Variants in LMTK2 observed in about 807,000 individuals in gnomAD.
LMTK2 encodes the protein serine/threonine-protein kinase LMTK2.
In LMTK2, 37 loss-of-function variants were observed where a neutral mutation model predicts 127.5. That is an observed-to-expected ratio of 0.29 (90% CI 0.22 to 0.38). The LOEUF (loss-of-function observed/expected upper bound fraction) is 0.38, where lower values mean the gene tolerates loss of function less well. Among genes scored for constraint, LMTK2 ranks in the 10% least tolerant of loss-of-function variants. LMTK2 has a pLI of 1.00. For missense variants in LMTK2, 1,694 were observed against 1,920.3 expected (o/e 0.88, Z 2.20); for synonymous variants, 819 against 810.1 (o/e 1.01, Z -0.19).
chr7:98,189,536 G>A (rs1797489511), intron 9 of LMTK2, among the ~76,000 whole-genome samples: 1 of 152,202 alleles, frequency 6.6e-6, no homozygotes, highest in African/African-American at 2.4e-5. Flanking sequence ...GCATCCTTTA[G>A]GGGTGGATCT....
chr7:98,183,002 G>C (rs1354649518), intron 7 of LMTK2, among the ~76,000 whole-genome samples: 4 of 152,128 alleles, frequency 2.6e-5, no homozygotes, highest in Non-Finnish European at 4.4e-5. Flanking sequence ...TTAAAACAGA[G>C]ATCTTACGAC....
chr7:98,179,332 G>A (rs1393036192), intron 7 of LMTK2, among the ~76,000 whole-genome samples: 1 of 152,206 alleles, frequency 6.6e-6, no homozygotes, highest in East Asian at 1.9e-4. Flanking sequence ...TGGCCTAGCA[G>A]GATGCGTGCT....
intron 6 of LMTK2, among the ~76,000 whole-genome samples, chr7:98,163,684 G>A (rs1797047775): frequency 6.6e-6 from 1 of 152,204 alleles, no homozygotes; most frequent in Admixed American, 6.5e-5. Flanking sequence ...TCTACTTGAA[G>A]GGACCGAGGG....
intron 7 of LMTK2, among the ~76,000 whole-genome samples, chr7:98,177,428 G>A (rs1430476757): frequency 6.6e-6 from 1 of 152,228 alleles, no homozygotes; most frequent in Non-Finnish European, 1.5e-5. Context: ...ATGATTTATG[G>A]TGGGGAGGCC....
At chr7:98,161,663 A>T (rs1490812885) in intron 6 of LMTK2, among the ~76,000 whole-genome samples, 1 of 152,182 alleles carries the variant, frequency 6.6e-6, no homozygotes, top group Non-Finnish European at 1.5e-5. Context: ...TATAAAATTT[A>T]TGATCTTAGG....
Position 98,192,797 on chromosome 7 carries a change from C to G in LMTK2, c.2332C>G (p.Pro778Ala). ...DTELQFAENK[P>A]GLSLLQENVS... ...TGAGCTTCAGTTTGCTGAAAATAAG[C>G]CAGGCTTGTCTTTGTTGCAGGAAAA... Residue 778 changes from proline (P) to alanine (A), a missense_variant, in exon 11 of 14, where the codon CCA becomes GCA. This residue lies in a region of LMTK2 where 527 missense variants were observed against 539.8 expected (regional missense o/e 0.98). Transcript: ENST00000297293. The G allele has an allele frequency of 6.2e-7, 1 of 1,613,796 alleles. No individual in the cohort carries two copies. Among genetic ancestry groups the G allele is most frequent in the Non-Finnish European group, 8.5e-7 (1 of 1,179,790 alleles).
At chr7:98,177,729 ACT>A (rs35129268) in intron 7 of LMTK2, among the ~76,000 whole-genome samples, 8,551 of 152,184 alleles carry the variant, frequency 0.056, 585 homozygotes, top group East Asian at 0.33. Context: ...CTGTGGAAGA[ACT>A]CTGTGTACCC....
rs139341469 is a variant in LMTK2, at chr7:98,194,129, C to G, written c.3664C>G (p.Pro1222Ala). 37 of 1,613,984 alleles carry G rather than the reference C, an allele frequency of 2.3e-5. No individual in the cohort carries two copies. The highest frequency in any genetic ancestry group is 2.9e-5 in the Non-Finnish European group (34 of 1,180,048). Residue 1222 changes from proline to alanine, a missense_variant, in exon 11 of 14, where the codon CCC becomes GCC. Physicochemically the swap from Pro to Ala is conservative, Grantham distance 27 (BLOSUM62 -1). This residue lies in a region of LMTK2 where 554 missense variants were observed against 567.7 expected (regional missense o/e 0.98). Coordinates refer to ENST00000297293, the MANE Select transcript of LMTK2 (RefSeq NM_014916.4). The surrounding 1 kb of genome is among the most constrained non-coding windows in gnomAD (Gnocchi z 5.4). ...TGACTTCGAGACACAGGACGATCGC[C>G]CCTGCACCCTCGCTTCCACGGGGAC... The part of the protein sequence containing the change: ...GDDFETQDDR[P>A]CTLASTGTNT...
chr7:98,168,329 G>GAAAAAAT (rs1797133584), intron 6 of LMTK2, among the ~76,000 whole-genome samples: 1 of 152,220 alleles, frequency 6.6e-6, no homozygotes, highest in African/African-American at 2.4e-5. Context: ...AGTGGGCGGG[G>GAAAAAAT]GGACCAGTGG....
intron 3 of LMTK2, among the ~76,000 whole-genome samples, chr7:98,144,246 C>A (rs1227138163): frequency 6.6e-6 from 1 of 151,634 alleles, no homozygotes. Context: ...CTGGCTAATA[C>A]GGTGAAACTC....
chr7:98,156,008 T>C (rs545824808), intron 5 of LMTK2, among the ~76,000 whole-genome samples: 4 of 151,008 alleles, frequency 2.6e-5, no homozygotes, highest in African/African-American at 9.7e-5. Context: ...TAAGAAACTC[T>C]CAAAACTCAA....
At chr7:98,182,484 C>T (rs1214291220) in intron 7 of LMTK2, among the ~76,000 whole-genome samples, 7 of 152,178 alleles carry the variant, frequency 4.6e-5, no homozygotes, top group African/African-American at 1.7e-4. Context: ...CCAAAAGATG[C>T]CCAGCATCAG....
intron 9 of LMTK2, among the ~76,000 whole-genome samples, chr7:98,189,807 G>A (rs1169320465): frequency 6.6e-6 from 1 of 152,124 alleles, no homozygotes; most frequent in Non-Finnish European, 1.5e-5. Flanking sequence ...TGGTGAGGCA[G>A]CCCTCAGGGT....
rs1383969691 is a variant in LMTK2 at position 98,209,347 on chromosome 7, C to T, written c.*3855C>T. The T allele has an allele frequency of 6.6e-6, 1 of 152,170 alleles. No individual in the cohort carries two copies. The highest frequency in any genetic ancestry group is 1.5e-5 in the Non-Finnish European group (1 of 68,040). The allele number at this position is 152,170 out of a possible 1,614,324, so 9.4% of individuals were successfully genotyped here. On this transcript the variant is annotated 3_prime_UTR_variant, in exon 14 of 14. Transcript: ENST00000297293. ...GTTAAGCACTCAGGCCTACGTGGGC[C>T]GAGCGGGATCTTGATCATGGGGCTG...
chr7:98,185,213 T>G, intron 8 of LMTK2, 78 bp downstream of exon 8: 1 of 990,026 alleles, frequency 1.0e-6, no homozygotes, highest in Non-Finnish European at 1.6e-6. Context: ...TGCCCCACTG[T>G]TTGTATAAGA....
chr7:98,173,758 T>G (rs1375163535), intron 7 of LMTK2, among the ~76,000 whole-genome samples: 5 of 152,128 alleles, frequency 3.3e-5, no homozygotes, highest in Non-Finnish European at 5.9e-5. Context: ...AAAACTCAAG[T>G]TAAAGAAAAT....
intron 7 of LMTK2, among the ~76,000 whole-genome samples, chr7:98,179,598 TCTCC>T (rs1222996009): frequency 1.4e-5 from 2 of 141,628 alleles, no homozygotes; most frequent in East Asian, 4.8e-4. Flanking sequence ...TCCTTCCCTC[TCTCC>T]CTCCCTCCCT....
intron 1 of LMTK2, among the ~76,000 whole-genome samples, chr7:98,134,496 C>T (rs956565734): frequency 2.0e-5 from 3 of 152,072 alleles, no homozygotes; most frequent in Admixed American, 6.6e-5. Flanking sequence ...TTATGTGCAT[C>T]GGGAGTGAAG....
At position 98,193,741 on chromosome 7, in the gene LMTK2, C is replaced by G; in HGVS notation, c.3276C>G (p.Phe1092Leu). 6.2e-7 allele frequency: 1 copy of G among 1,613,922 alleles called. No homozygotes were observed. The highest frequency in any genetic ancestry group is 8.5e-7 in the Non-Finnish European group (1 of 1,180,010). The change falls in exon 11 of 14, where the codon TTC becomes TTG. Residue 1092 changes from phenylalanine to leucine, a missense_variant. Physicochemically the swap from Phe to Leu is conservative, Grantham distance 22. Around this residue, in one of 8 missense-constraint regions of LMTK2, gnomAD observed 554 missense variants for 567.7 expected, o/e 0.98. Coordinates refer to ENST00000297293, the MANE Select transcript of LMTK2 (RefSeq NM_014916.4). The surrounding 1 kb of genome is among the most constrained non-coding windows in gnomAD (Gnocchi z 4.1). ...HRGTEVTPET[F>L]TAGSQGSYRD... ...GCACAGAAGTGACCCCTGAGACGTT[C>G]ACAGCTGGCTCCCAGGGTTCATACC...
Sources: gnomAD v4.1 joint callset for allele counts (sites outside exome capture counted in the v4.1 genomes callset) on GRCh38, gnomAD v4.1.1 for gene constraint, gnomAD v4.1.1 regional missense constraint, Gnocchi (gnomAD v3.1) non-coding constraint, MANE v1.5 for transcripts, NCBI Gene and HGNC (gene_info 2026-07-23, HGNC 2026-07-21) for gene names.